AMBRA1: variants seen among roughly 807,000 people sequenced by gnomAD.
AMBRA1 encodes the protein activating molecule in BECN1-regulated autophagy protein 1.
A neutral mutation model predicts 125.4 loss-of-function variants in AMBRA1; 47 were observed. The observed-to-expected ratio is 0.37, with a 90% confidence interval of 0.30 to 0.48. The LOEUF (loss-of-function observed/expected upper bound fraction) is 0.48, where lower values mean the gene tolerates loss of function less well. Ranked by LOEUF, AMBRA1 falls within the 20% of genes least tolerant of loss-of-function variation. AMBRA1 has a pLI of 0.99. For synonymous variants in AMBRA1, 626 were observed against 655.5 expected, an observed-to-expected ratio of 0.95 and a Z score of 0.69; for missense variants, 1,331 against 1,693.4, an observed-to-expected ratio of 0.79 and a Z score of 3.76.
chr11:46,592,401 T>C (rs1038207445), intron 1 of AMBRA1, among the ~76,000 whole-genome samples: 7 of 152,116 alleles, frequency 4.6e-5, no homozygotes, highest in African/African-American at 1.7e-4. Flanking sequence ...ATCTCAATAT[T>C]TGAATGATTT....
chr11:46,508,289 G>C lies in AMBRA1; in HGVS notation c.2241C>G (p.Arg747=). The C allele has an allele frequency of 6.2e-7, 1 of 1,614,264 alleles. No individual in the cohort carries two copies. The highest frequency in any genetic ancestry group is 8.5e-7 in the Non-Finnish European group (1 of 1,180,040). The change falls in exon 9 of 18, where the codon CGC becomes CGG. Residue 747 remains arginine (R), a synonymous_variant. Transcript: ENST00000683756. ...AAGAACGGAGACGGTTCTGTTGGTA[G>C]CGCATGGAGCGCTGGCGAATACTGT... ...RRDSIRQRSM[R]YQQNRLRSST...
chr11:46,431,838 G>A (rs1471341472), intron 14 of AMBRA1, among the ~76,000 whole-genome samples: 1 of 152,108 alleles, frequency 6.6e-6, no homozygotes, highest in East Asian at 1.9e-4. Context: ...ATCCCACAAT[G>A]ACATCTCCTA....
At chr11:46,496,984 C>T (rs952260875) in intron 9 of AMBRA1, among the ~76,000 whole-genome samples, 1 of 151,822 alleles carries the variant, frequency 6.6e-6, no homozygotes, top group Non-Finnish European at 1.5e-5. Context: ...TGATGGCGAG[C>T]GCCTGTAATC....
rs1947651755 is a variant in AMBRA1 at position 46,434,992 on chromosome 11, G to A, written c.2678C>T (p.Ala893Val). 1.2e-6 allele frequency: 2 copies of A among 1,613,530 alleles called. No homozygotes were observed. Among genetic ancestry groups the A allele is most frequent in the Non-Finnish European group, 1.7e-6 (2 of 1,179,824 alleles). ...LVQNCKIYND[A>V]SCDISADGQL... Reference sequence around the variant, plus strand: ...GCCATCTGCAGAAATGTCACAGCTGGCATCATTGTAGATCTTGCAGTTCTG... The same window carrying A: ...GCCATCTGCAGAAATGTCACAGCTGACATCATTGTAGATCTTGCAGTTCTG... The change falls in exon 13 of 18, where the codon GCC becomes GTC. Residue 893 changes from alanine to valine, a missense_variant. Ala to Val is a moderately conservative substitution (Grantham distance 64). Transcript: ENST00000683756.
At chr11:46,477,454 A>C (rs990725979) in intron 11 of AMBRA1, among the ~76,000 whole-genome samples, 2 of 151,240 alleles carry the variant, frequency 1.3e-5, no homozygotes. Context: ...AGTAGCTGGA[A>C]CTGTGGAACT....
chr11:46,462,220 G>C (rs555914730), intron 11 of AMBRA1, among the ~76,000 whole-genome samples: 1 of 152,306 alleles, frequency 6.6e-6, no homozygotes, highest in Non-Finnish European at 1.5e-5. Flanking sequence ...AAGTGAGCAC[G>C]GCGGTGTAAG....
intron 11 of AMBRA1, among the ~76,000 whole-genome samples, chr11:46,465,577 C>A (rs1176209634): frequency 6.6e-6 from 1 of 152,168 alleles, no homozygotes; most frequent in African/African-American, 2.4e-5. Context: ...AGATATATCA[C>A]AGAGGAAGCC....
rs1302781563 is a variant in AMBRA1, at chr11:46,418,072, G to A, written c.2977-20C>T. 23 of 1,511,918 alleles carry A rather than the reference G, an allele frequency of 1.5e-5. No homozygotes were observed. Among genetic ancestry groups the A allele is most frequent in the Middle Eastern group, 1.8e-4 (1 of 5,644 alleles). 93.7% of individuals were successfully genotyped at this position (1,511,918 alleles called of 1,614,324 possible). On this transcript the variant is annotated intron_variant, in intron 14 of 17. Transcript: ENST00000683756. ...AACTCTCTAGGTAGAGGAAAAGAGG[G>A]AAAAAAAGAGAATGGGAGGAGAAAC...
chr11:46,421,534 G>A (rs1025658232), intron 14 of AMBRA1, among the ~76,000 whole-genome samples: 4 of 152,202 alleles, frequency 2.6e-5, no homozygotes, highest in African/African-American at 9.7e-5. Context: ...TCCATAGGCT[G>A]AGAGGTCATC....
intron 11 of AMBRA1, among the ~76,000 whole-genome samples, chr11:46,471,336 T>A (rs1360678814): frequency 6.6e-6 from 1 of 152,006 alleles, no homozygotes; most frequent in Non-Finnish European, 1.5e-5. Flanking sequence ...CCCAGCACTT[T>A]GGGAGGCCGA....
intron 11 of AMBRA1, among the ~76,000 whole-genome samples, chr11:46,482,979 A>C (rs1950131407): frequency 6.6e-6 from 1 of 151,382 alleles, no homozygotes; most frequent in South Asian, 2.1e-4. Context: ...ATTGCACTCC[A>C]GCCTGGGTGA....
chr11:46,410,426 T>G, intron 15 of AMBRA1, 58 bp from the exon 16 acceptor site: 3 of 1,430,172 alleles, frequency 2.1e-6, no homozygotes, highest in Non-Finnish European at 3.0e-6. Context: ...GAGGGAAGGA[T>G]AAGAGCTCCT....
At chr11:46,573,481 C>T (rs940719386) in intron 1 of AMBRA1, among the ~76,000 whole-genome samples, 4 of 151,760 alleles carry the variant, frequency 2.6e-5, no homozygotes, top group African/African-American at 9.7e-5. Flanking sequence ...GGCAGAATAA[C>T]TGCACTGCAC....
At chr11:46,533,153 A>T (rs535985035) in intron 7 of AMBRA1, among the ~76,000 whole-genome samples, 1 of 151,856 alleles carries the variant, frequency 6.6e-6, no homozygotes, top group South Asian at 2.1e-4. Context: ...ACAAAGCGAG[A>T]CTCTGTCTCA....
intron 1 of AMBRA1, among the ~76,000 whole-genome samples, chr11:46,570,261 C>CAAAAAAAAA (rs200875374): frequency 1.4e-4 from 2 of 14,260 alleles, no homozygotes; most frequent in Non-Finnish European, 2.8e-4. Flanking sequence ...GACCATGTCT[C>CAAAAAAAAA]AAAAAAAAAA....
chr11:46,448,276 A>G (rs1178093107), intron 11 of AMBRA1, among the ~76,000 whole-genome samples: 1 of 152,248 alleles, frequency 6.6e-6, no homozygotes, highest in Non-Finnish European at 1.5e-5. Flanking sequence ...CTACAAGAGA[A>G]CTAAACTAGA....
chr11:46,471,637 G>GTT (rs796326490), intron 11 of AMBRA1, among the ~76,000 whole-genome samples: 1 of 143,772 alleles, frequency 7.0e-6, no homozygotes, highest in African/African-American at 2.5e-5. Flanking sequence ...GTTTTGTTTT[G>GTT]TTTTTTTTTT....
chr11:46,425,820 C>T (rs1233005604), intron 14 of AMBRA1, among the ~76,000 whole-genome samples: 6 of 149,448 alleles, frequency 4.0e-5, no homozygotes, highest in Middle Eastern at 3.6e-3. Context: ...GCCTGTGCAA[C>T]AAGAGCGAAA....
chr11:46,511,447 A>G (rs543641549), intron 8 of AMBRA1, among the ~76,000 whole-genome samples: 2 of 152,370 alleles, frequency 1.3e-5, no homozygotes, highest in Admixed American at 6.5e-5. Flanking sequence ...AAGAATGCTC[A>G]GTGTCATGAC....
Sources: allele counts gnomAD v4.1 joint callset (sites outside exome capture counted in the v4.1 genomes callset), GRCh38; gene constraint gnomAD v4.1.1; transcripts MANE v1.5; gene names NCBI Gene and HGNC (gene_info 2026-07-23, HGNC 2026-07-21).